The following RBFOX1 variants were observed in gnomAD, a reference collection of about 807,000 sequenced individuals.
RBFOX1 encodes the protein RNA binding protein fox-1 homolog 1.
Under a neutral mutation model 57.7 loss-of-function variants are expected in RBFOX1, and 8 were observed. The ratio of observed to expected loss-of-function variants is 0.14; its 90% CI spans 0.08 to 0.25. The LOEUF (loss-of-function observed/expected upper bound fraction) is 0.25. Ranked by LOEUF, RBFOX1 falls within the 10% of genes least tolerant of loss-of-function variation. The pLI is 1.00. For synonymous variants in RBFOX1, 326 were observed against 222.4 expected (o/e 1.47, Z -4.15); for missense variants, 611 against 548.5 (o/e 1.11, Z -1.14).
At chr16:6,155,879 G>C (rs993640300) in intron 1 of RBFOX1, among the ~76,000 whole-genome samples, 2 of 152,010 alleles carry the variant, frequency 1.3e-5, no homozygotes, top group African/African-American at 4.8e-5. Context: ...GTCTTTTGCT[G>C]AGCATTTCAA....
chr16:5,250,819 G>A (rs1304641934), intron 1 of RBFOX1, among the ~76,000 whole-genome samples: 1 of 152,080 alleles, frequency 6.6e-6, no homozygotes, highest in African/African-American at 2.4e-5. Context: ...AGTCACAGAC[G>A]GTGTTCTGAT....
intron 1 of RBFOX1, among the ~76,000 whole-genome samples, chr16:5,392,690 G>T (rs560868672): frequency 1.3e-5 from 2 of 151,998 alleles, no homozygotes; most frequent in Non-Finnish European, 2.9e-5. Flanking sequence ...TTCAAACCTA[G>T]ATGTATCGTA....
At chr16:6,651,009 T>C (rs982743555) in intron 2 of RBFOX1, among the ~76,000 whole-genome samples, 1 of 152,180 alleles carries the variant, frequency 6.6e-6, no homozygotes, top group Admixed American at 6.5e-5. Context: ...TTCAAGTGAT[T>C]CTCTTGTCTC....
intron 11 of RBFOX1, among the ~76,000 whole-genome samples, chr16:7,643,612 C>T (rs2063216129): frequency 6.6e-6 from 1 of 152,202 alleles, no homozygotes; most frequent in Non-Finnish European, 1.5e-5. Flanking sequence ...TGTACTAGTA[C>T]AAACCTGCTC....
chr16:5,652,800 CT>C (rs1325286371), intron 3 of RBFOX1, among the ~76,000 whole-genome samples: 2 of 152,228 alleles, frequency 1.3e-5, no homozygotes, highest in Non-Finnish European at 2.9e-5. Flanking sequence ...TACAGATCTC[CT>C]TTTCCCAGCT....
chr16:7,446,326 C>G (rs1201476496), intron 4 of RBFOX1, among the ~76,000 whole-genome samples: 1 of 152,106 alleles, frequency 6.6e-6, no homozygotes, highest in African/African-American at 2.4e-5. Flanking sequence ...GTCACTTTAT[C>G]CATGTTGTCC....
At chr16:5,356,943 G>T (rs1191808314) in intron 1 of RBFOX1, among the ~76,000 whole-genome samples, 2 of 152,170 alleles carry the variant, frequency 1.3e-5, no homozygotes, top group African/African-American at 4.8e-5. Flanking sequence ...TACATACATC[G>T]TTTCGTTGAA....
At chr16:5,326,047 G>A (rs924011125) in intron 1 of RBFOX1, among the ~76,000 whole-genome samples, 3 of 152,124 alleles carry the variant, frequency 2.0e-5, no homozygotes, top group African/African-American at 7.2e-5. Context: ...TAAGAGTTTG[G>A]CATCAGAGTT....
At chr16:7,027,678 G>T (rs1174658165) in intron 3 of RBFOX1, among the ~76,000 whole-genome samples, 3 of 152,172 alleles carry the variant, frequency 2.0e-5, no homozygotes, top group Non-Finnish European at 4.4e-5. Context: ...GGCAGGGAAG[G>T]TTTCCAGACA....
intron 1 of RBFOX1, among the ~76,000 whole-genome samples, chr16:6,213,473 C>G (rs1052256272): frequency 6.6e-5 from 10 of 152,186 alleles, no homozygotes; most frequent in Non-Finnish European, 1.3e-4. Flanking sequence ...TGCATTTGAA[C>G]TACTGCCTGA....
chr16:6,984,777 A>AT (rs2089854468), intron 3 of RBFOX1, among the ~76,000 whole-genome samples: 1 of 152,068 alleles, frequency 6.6e-6, no homozygotes, highest in South Asian at 2.1e-4. Flanking sequence ...AGTAGCTAAG[A>AT]TTAGAGGTGC....
intron 2 of RBFOX1, among the ~76,000 whole-genome samples, chr16:6,581,545 G>A (rs1274586588): frequency 1.3e-5 from 2 of 152,306 alleles, no homozygotes; most frequent in Middle Eastern, 3.4e-3. Flanking sequence ...GTAGGTGAGT[G>A]CCAACAGGGG....
intron 4 of RBFOX1, among the ~76,000 whole-genome samples, chr16:5,944,556 G>A (rs149954192): frequency 4.0e-5 from 6 of 151,826 alleles, no homozygotes; most frequent in South Asian, 2.1e-4. Context: ...TCCCTTCGGA[G>A]CTGTGTGAGT....
At chr16:6,612,161 CTGTT>C (rs1477803076) in intron 2 of RBFOX1, among the ~76,000 whole-genome samples, 1 of 152,068 alleles carries the variant, frequency 6.6e-6, no homozygotes, top group Non-Finnish European at 1.5e-5. Flanking sequence ...CTTTTATTTT[CTGTT>C]TGTTTAATTA....
intron 3 of RBFOX1, among the ~76,000 whole-genome samples, chr16:6,877,875 A>G (rs1295998291): frequency 6.6e-6 from 1 of 152,192 alleles, no homozygotes; most frequent in Admixed American, 6.5e-5. Flanking sequence ...AGAATAGGGA[A>G]AGGATTGCTT....
intron 3 of RBFOX1, among the ~76,000 whole-genome samples, chr16:5,615,056 A>G (rs1292400308): frequency 6.6e-6 from 1 of 152,086 alleles, no homozygotes; most frequent in African/African-American, 2.4e-5. Flanking sequence ...TGTTTTTGAG[A>G]TGGGGTTTCA....
At chr16:6,296,560 A>G (rs2078138482) in intron 1 of RBFOX1, among the ~76,000 whole-genome samples, 1 of 151,892 alleles carries the variant, frequency 6.6e-6, no homozygotes. Context: ...AGCTGGGACT[A>G]CAGGCGTCCA....
chr16:5,595,692 C>G (rs1183217320), intron 2 of RBFOX1, among the ~76,000 whole-genome samples: 1 of 152,180 alleles, frequency 6.6e-6, no homozygotes, highest in Non-Finnish European at 1.5e-5. Flanking sequence ...CAGCCACTAC[C>G]TCCCTCGCTG....
chr16:7,081,783 C>T (rs111831074), intron 4 of RBFOX1, among the ~76,000 whole-genome samples: 2,845 of 152,228 alleles, frequency 0.019, 107 homozygotes, highest in African/African-American at 0.065. Context: ...ATGATTTGAA[C>T]ACCTGCCTGG....
Sources: allele counts gnomAD v4.1 joint callset (sites outside exome capture counted in the v4.1 genomes callset), GRCh38; gene constraint gnomAD v4.1.1; transcripts MANE v1.5; gene names NCBI Gene and HGNC (gene_info 2026-07-23, HGNC 2026-07-21).